The following MTPN variants were observed in gnomAD, a reference collection of about 807,000 sequenced individuals.
The protein encoded by MTPN is myotrophin, also known as granule cell differentiation protein.
A neutral mutation model predicts 13.5 loss-of-function variants in MTPN; 2 were observed. The observed-to-expected ratio is 0.15, with a 90% CI of 0.06 to 0.47. The LOEUF is 0.47. Ranked by LOEUF, MTPN falls within the 20% of genes least tolerant of loss-of-function variation. The probability of loss-of-function intolerance (pLI) is 0.97; values close to 1 mark genes in which losing one functional copy is unlikely to be tolerated. For synonymous variants in MTPN, 46 were observed against 51.7 expected (o/e 0.89, Z 0.48); for missense variants, 79 against 137.9 (o/e 0.57, Z 2.14).
chr7:135,976,406 T>G (rs995290652), intron 1 of MTPN, among the ~76,000 whole-genome samples: 3 of 152,212 alleles, frequency 2.0e-5, no homozygotes, highest in Non-Finnish European at 4.4e-5. Context: ...CAGATGCCAG[T>G]TGACAACCTT....
chr7:135,956,178 C>T (rs1239259682), intron 1 of MTPN, among the ~76,000 whole-genome samples: 3 of 152,224 alleles, frequency 2.0e-5, no homozygotes, highest in East Asian at 1.9e-4. Context: ...CTTGATGCAC[C>T]GGTGGTAGGT....
intron 1 of MTPN, among the ~76,000 whole-genome samples, chr7:135,973,790 G>A (rs982715440): frequency 1.3e-5 from 2 of 151,824 alleles, no homozygotes; most frequent in African/African-American, 4.8e-5. Context: ...TTTTTTTCAC[G>A]CAGGTCTGCT....
At chr7:135,950,833 T>C in intron 2 of MTPN, 151 bp from the exon 3 acceptor site, 1 of 657,714 alleles carries the variant, frequency 1.5e-6, no homozygotes, top group Non-Finnish European at 2.6e-6. Flanking sequence ...TCTAGTCTCT[T>C]AAAGCTACCA....
Position 135,927,216 on chromosome 7 carries a change from G to T in MTPN, c.*2710C>A. 2 of 1,254,882 alleles carry T rather than the reference G, an allele frequency of 1.6e-6. No homozygotes were observed. Among genetic ancestry groups the T allele is most frequent in the Non-Finnish European group, 2.1e-6 (2 of 932,772 alleles). The allele number at this position is 1,254,882 out of a possible 1,614,324, so 77.7% of individuals were successfully genotyped here. On this transcript the variant is annotated 3_prime_UTR_variant, in exon 4 of 4. Transcript: ENST00000393085. ...ATATCAATGAATAAAAGGCCTACTT[G>T]TTTGCAGCTTCCACACACTGCACCT...
chr7:135,975,300 GA>G lies in MTPN; in HGVS notation c.72+1728del, dbSNP rs371289467. ...TGTGGACCCTGGGAATGTCCTACTA[GA>G]AATCTTGGTATGATACGCTTTCACA... On this transcript the variant is annotated intron_variant, in intron 1 of 3. Coordinates refer to ENST00000393085, the MANE Select transcript of MTPN (RefSeq NM_145808.4). 8.9e-4 allele frequency among the ~76,000 whole-genome samples: 135 copies of G among 152,316 alleles called. 1 individual carries two copies. Among genetic ancestry groups the G allele is most frequent in the African/African-American group, 3.2e-3 (134 of 41,564 alleles).
Position 135,927,775 on chromosome 7 carries a change from C to T in MTPN, c.*2151G>A, listed in dbSNP as rs764812830. 265 of 459,994 alleles carry T rather than the reference C, an allele frequency of 5.8e-4. No homozygotes were observed. The highest frequency in any genetic ancestry group is 9.2e-4 in the Non-Finnish European group (208 of 226,014). 28.5% of individuals were successfully genotyped at this position (459,994 alleles called of 1,614,324 possible). ...AAAGGTCGAGAAAGAAAAGCGAAGG[C>T]GAAATAGCCTCTACTGCATTACAAG... On this transcript the variant is annotated 3_prime_UTR_variant, in exon 4 of 4. Coordinates refer to ENST00000393085, the MANE Select transcript of MTPN (RefSeq NM_145808.4).
rs1798968213 is a variant in MTPN, at chr7:135,928,795, T to C, written c.*1131A>G. On this transcript the variant is annotated 3_prime_UTR_variant, in exon 4 of 4. Transcript: ENST00000393085. ...ATGATTTATAAAAGCAACAAAAATA[T>C]ATTATGCAGGTGGGTTGGCATATGT... The C allele has an allele frequency of 6.0e-6, 1 of 167,060 alleles. No individual in the cohort carries two copies. Among genetic ancestry groups the C allele is most frequent in the African/African-American group, 2.4e-5 (1 of 41,452 alleles). The allele number at this position is 167,060 out of a possible 1,614,324, so 10.3% of individuals were successfully genotyped here.
chr7:135,933,363 G>GTTCTT (rs1174745429), intron 3 of MTPN, among the ~76,000 whole-genome samples: 1 of 151,806 alleles, frequency 6.6e-6, no homozygotes, highest in Non-Finnish European at 1.5e-5. Flanking sequence ...AAAATATTTT[G>GTTCTT]TTCTTTATAA....
intron 1 of MTPN, among the ~76,000 whole-genome samples, chr7:135,969,091 G>GGGGC (rs1799650801): frequency 9.1e-6 from 1 of 110,176 alleles, no homozygotes; most frequent in African/African-American, 3.4e-5. Flanking sequence ...TGTGGGGTGG[G>GGGGC]GGGGGGGGAG....
intron 1 of MTPN, among the ~76,000 whole-genome samples, chr7:135,973,066 T>C (rs1055248902): frequency 6.7e-6 from 1 of 149,748 alleles, no homozygotes; most frequent in Admixed American, 6.6e-5. Flanking sequence ...AGCTGGCCCT[T>C]TTAAAATAAG....
intron 3 of MTPN, chr7:135,932,149 C>T (rs1464298620): frequency 6.6e-6 from 1 of 151,852 alleles, no homozygotes; most frequent in African/African-American, 2.4e-5. Flanking sequence ...ATTATAAAAC[C>T]GAGATGCTTA....
At chr7:135,937,730 T>A (rs1039648634) in intron 3 of MTPN, among the ~76,000 whole-genome samples, 3 of 152,012 alleles carry the variant, frequency 2.0e-5, no homozygotes, top group African/African-American at 7.3e-5. Context: ...GCCTCTCCTG[T>A]CCCTCCTTCC....
intron 1 of MTPN, 102 bp downstream of exon 1, chr7:135,976,927 T>TCCCCCCCCCCCCCCCCC: frequency 2.4e-6 from 1 of 410,736 alleles, no homozygotes; most frequent in Non-Finnish European, 5.1e-6. Flanking sequence ...AAGTCTCTCC[T>TCCCCCCCCCCCCCCCCC]CCCGCCCACC....
chr7:135,937,005 A>C (rs1562929285), intron 3 of MTPN, among the ~76,000 whole-genome samples: 2 of 152,242 alleles, frequency 1.3e-5, no homozygotes, highest in African/African-American at 4.8e-5. Flanking sequence ...AGCTGGAAAG[A>C]TAAGATATAC....
chr7:135,940,464 T>C (rs1799192172), intron 3 of MTPN, among the ~76,000 whole-genome samples: 1 of 152,198 alleles, frequency 6.6e-6, no homozygotes, highest in Admixed American at 6.5e-5. Context: ...ACAGTGATTG[T>C]TACCTCCCTT....
At chr7:135,969,238 T>TAAAAA (rs57871609) in intron 1 of MTPN, among the ~76,000 whole-genome samples, 4 of 109,102 alleles carry the variant, frequency 3.7e-5, no homozygotes, top group East Asian at 2.4e-4. Flanking sequence ...TAAAGTATAA[T>TAAAAA]AAAAAAAAAA....
At chr7:135,965,579 A>C (rs1452203750) in intron 1 of MTPN, among the ~76,000 whole-genome samples, 1 of 152,104 alleles carries the variant, frequency 6.6e-6, no homozygotes, top group East Asian at 1.9e-4. Flanking sequence ...TTTCACAAGG[A>C]AGCATGCACA....
chr7:135,935,805 C>T (rs1336799158), intron 3 of MTPN, among the ~76,000 whole-genome samples: 1 of 152,042 alleles, frequency 6.6e-6, no homozygotes, highest in Non-Finnish European at 1.5e-5. Context: ...TCTTTCTTGT[C>T]CCTGTGACTT....
At position 135,927,298 on chromosome 7, in the gene MTPN, A is replaced by AG; in HGVS notation, c.*2627dup. On this transcript the variant is annotated 3_prime_UTR_variant, in exon 4 of 4. Coordinates refer to ENST00000393085, the MANE Select transcript of MTPN (RefSeq NM_145808.4). ...TTTAGAAAGGTGAGCTATGCGTAGA[A>AG]GAACTACTTGGGATATTCAAGTGCT... 1 of 1,550,276 alleles carries AG rather than the reference A, an allele frequency of 6.5e-7. No individual in the cohort carries two copies. Among genetic ancestry groups the AG allele is most frequent in the Non-Finnish European group, 8.7e-7 (1 of 1,146,502 alleles).
Sources: gnomAD v4.1 joint callset for allele counts (sites outside exome capture counted in the v4.1 genomes callset) on GRCh38, gnomAD v4.1.1 for gene constraint, MANE v1.5 for transcripts, NCBI Gene and HGNC (gene_info 2026-07-23, HGNC 2026-07-21) for gene names.